ARHGAP10: variants seen among roughly 807,000 people sequenced by gnomAD.
ARHGAP10 encodes rho GTPase-activating protein 10.
Under a neutral mutation model 108.6 loss-of-function variants are expected in ARHGAP10, and 87 were observed. That is an observed-to-expected ratio of 0.80 (90% CI 0.67 to 0.96). ARHGAP10 has a LOEUF of 0.96. Ranked by LOEUF, ARHGAP10 falls within the 40% of genes least tolerant of loss-of-function variation. The pLI, the probability that ARHGAP10 is intolerant of heterozygous loss-of-function variation, is 0.00. For missense variants in ARHGAP10, 939 were observed against 954.5 expected, an observed-to-expected ratio of 0.98 and a Z score of 0.21; for synonymous variants, 347 against 341.1, an observed-to-expected ratio of 1.02 and a Z score of -0.19.
At chr4:147,753,760 A>C (rs1729261172) in intron 1 of ARHGAP10, among the ~76,000 whole-genome samples, 1 of 152,032 alleles carries the variant, frequency 6.6e-6, no homozygotes, top group African/African-American at 2.4e-5. Flanking sequence ...CCCTTTCGAA[A>C]CTATTTTCAT....
chr4:147,872,636 ACCAC>A (rs1734879177), intron 7 of ARHGAP10, among the ~76,000 whole-genome samples: 1 of 152,248 alleles, frequency 6.6e-6, no homozygotes, highest in Non-Finnish European at 1.5e-5. Flanking sequence ...ATAGCTGATT[ACCAC>A]ACATTTTGTG....
chr4:147,987,330 A>T (rs1324580956), intron 18 of ARHGAP10, among the ~76,000 whole-genome samples: 2 of 152,144 alleles, frequency 1.3e-5, no homozygotes, highest in Non-Finnish European at 2.9e-5. Flanking sequence ...TTTTTAAAAA[A>T]TTTTTTCTGG....
intron 12 of ARHGAP10, among the ~76,000 whole-genome samples, chr4:147,911,367 T>C (rs1020289025): frequency 6.6e-6 from 1 of 152,176 alleles, no homozygotes; most frequent in Non-Finnish European, 1.5e-5. Flanking sequence ...TTTTTGTTGT[T>C]GTCGTTGTTG....
intron 10 of ARHGAP10, among the ~76,000 whole-genome samples, chr4:147,897,895 C>T (rs146815309): frequency 2.8e-4 from 42 of 152,082 alleles, no homozygotes; most frequent in Non-Finnish European, 5.4e-4. Flanking sequence ...GACAGAGTCT[C>T]GCTCTGTTGC....
chr4:147,798,773 CTCTCTCTCTATATATATATA>C (rs1223488882), intron 1 of ARHGAP10, among the ~76,000 whole-genome samples: 8 of 4,728 alleles, frequency 1.7e-3, no homozygotes, highest in Non-Finnish European at 3.5e-3. Context: ...CTCTCTCTCT[CTCTCTCTCTATATATATATA>C]TATATATATA....
chr4:147,966,390 G>T (rs374756695), intron 17 of ARHGAP10, among the ~76,000 whole-genome samples: 1 of 152,144 alleles, frequency 6.6e-6, no homozygotes, highest in African/African-American at 2.4e-5. Context: ...TTTGGTGTCT[G>T]TAGGGATTCT....
chr4:147,786,867 T>C (rs1179428701), intron 1 of ARHGAP10, among the ~76,000 whole-genome samples: 5 of 152,246 alleles, frequency 3.3e-5, no homozygotes, highest in African/African-American at 1.2e-4. Context: ...CACTCCCTGC[T>C]CCACAGTTCT....
intron 18 of ARHGAP10, among the ~76,000 whole-genome samples, chr4:147,968,266 C>T (rs1560850935): frequency 6.6e-6 from 1 of 152,164 alleles, no homozygotes; most frequent in Non-Finnish European, 1.5e-5. Flanking sequence ...CTGTCTCAAG[C>T]CCCCTCAAAG....
intron 3 of ARHGAP10, among the ~76,000 whole-genome samples, chr4:147,840,545 G>A (rs2126809521): frequency 6.6e-6 from 1 of 152,250 alleles, no homozygotes; most frequent in African/African-American, 2.4e-5. Context: ...GGATGCAGTC[G>A]AGTGCTTACC....
intron 5 of ARHGAP10, chr4:147,861,014 TCTGGTGATGC>T (rs1734291187): frequency 6.6e-6 from 1 of 152,264 alleles, no homozygotes; most frequent in Non-Finnish European, 1.5e-5. Context: ...AATCTCTGTG[TCTGGTGATGC>T]CTTTGCCCAA....
intron 1 of ARHGAP10, among the ~76,000 whole-genome samples, chr4:147,801,096 G>A (rs755623635): frequency 3.9e-5 from 6 of 152,212 alleles, no homozygotes; most frequent in Non-Finnish European, 8.8e-5. Flanking sequence ...GTGAGCCACC[G>A]TGCCCAGCCT....
chr4:148,053,912 T>A (rs960870361), intron 20 of ARHGAP10, among the ~76,000 whole-genome samples: 5 of 152,214 alleles, frequency 3.3e-5, no homozygotes, highest in African/African-American at 1.2e-4. Context: ...GTTTTATTTT[T>A]AAGTCAGAAT....
intron 10 of ARHGAP10, among the ~76,000 whole-genome samples, chr4:147,890,538 A>G (rs1163542849): frequency 1.3e-5 from 2 of 152,242 alleles, no homozygotes; most frequent in African/African-American, 2.4e-5. Flanking sequence ...AAAATATGCA[A>G]GTGGTTGGCT....
At chr4:148,004,835 C>T (rs1391155640) in intron 18 of ARHGAP10, among the ~76,000 whole-genome samples, 4 of 152,176 alleles carry the variant, frequency 2.6e-5, no homozygotes, top group South Asian at 4.1e-4. Context: ...CTGTGCTTAG[C>T]CTCTGGACCC....
chr4:147,738,797 C>T (rs1321191648), intron 1 of ARHGAP10, among the ~76,000 whole-genome samples: 1 of 152,100 alleles, frequency 6.6e-6, no homozygotes, highest in East Asian at 1.9e-4. Flanking sequence ...TCCAAAGCAC[C>T]ATTACCAGTG....
chr4:147,763,746 C>T (rs1286466149), intron 1 of ARHGAP10, among the ~76,000 whole-genome samples: 19 of 93,178 alleles, frequency 2.0e-4, no homozygotes, highest in Admixed American at 4.8e-4. Flanking sequence ...ATGGTGATTC[C>T]TTTTTTTTTT....
At chr4:147,807,845 T>C (rs927341428) in intron 1 of ARHGAP10, among the ~76,000 whole-genome samples, 3 of 152,250 alleles carry the variant, frequency 2.0e-5, no homozygotes, top group African/African-American at 7.2e-5. Context: ...CCTAGTGTCC[T>C]TTGAACTGGA....
chr4:147,734,785 T>A (rs1172516022), intron 1 of ARHGAP10, among the ~76,000 whole-genome samples: 1 of 152,214 alleles, frequency 6.6e-6, no homozygotes, highest in African/African-American at 2.4e-5. Context: ...GGTAAATGGT[T>A]CATCTAACCA....
intron 8 of ARHGAP10, among the ~76,000 whole-genome samples, chr4:147,875,763 G>A (rs1049580544): frequency 1.3e-5 from 2 of 152,136 alleles, no homozygotes; most frequent in African/African-American, 4.8e-5. Flanking sequence ...AGGCTTTTTA[G>A]TCTTTGTTGC....
Sources: allele counts gnomAD v4.1 joint callset (sites outside exome capture counted in the v4.1 genomes callset), GRCh38; gene constraint gnomAD v4.1.1; transcripts MANE v1.5; gene names NCBI Gene and HGNC (gene_info 2026-07-23, HGNC 2026-07-21).